The following GGPS1 variants were observed in gnomAD, a reference collection of about 807,000 sequenced individuals.
GGPS1 encodes geranylgeranyl pyrophosphate synthase.
GGPS1 carries 15 observed loss-of-function variants against 28.1 expected under a neutral mutation model. The observed-to-expected ratio is 0.53, with a 90% CI of 0.36 to 0.82. GGPS1 has a LOEUF of 0.82. GGPS1 is among the 40% of genes least tolerant of loss of function. The probability of loss-of-function intolerance (pLI) is 0.01; values close to 1 mark genes in which losing one functional copy is unlikely to be tolerated. For synonymous variants in GGPS1, 138 were observed against 122.4 expected (o/e 1.13, Z -0.84); for missense variants, 284 against 348.3 (o/e 0.82, Z 1.47).
intron 1 of GGPS1, chr1:235,329,069 G>A (rs1675586484): frequency 6.6e-6 from 1 of 152,376 alleles, no homozygotes; most frequent in East Asian, 1.9e-4. Flanking sequence ...CAGCCGCTGT[G>A]GAAAATCGGC....
intron 3 of GGPS1, 88 bp downstream of exon 3, chr1:235,341,866 TC>T: frequency 4.3e-6 from 4 of 921,408 alleles, no homozygotes; most frequent in Non-Finnish European, 6.9e-6. Flanking sequence ...AATTTAGTCC[TC>T]ATGCAAGATA....
chr1:235,341,293 C>A (rs1029585298), intron 2 of GGPS1, among the ~76,000 whole-genome samples: 2 of 152,138 alleles, frequency 1.3e-5, no homozygotes, highest in African/African-American at 4.8e-5. Context: ...CGCCACTGCA[C>A]TCCAGCCTGG....
At chr1:235,341,881 T>G (rs1273938700) in intron 3 of GGPS1, 103 bp downstream of exon 3, 2 of 885,916 alleles carry the variant, frequency 2.3e-6, no homozygotes, top group Non-Finnish European at 3.6e-6. Context: ...CAAGATATTA[T>G]TTTATATTGA....
chr1:235,337,252 T>A (rs1187162001), intron 2 of GGPS1, among the ~76,000 whole-genome samples: 3 of 137,946 alleles, frequency 2.2e-5, no homozygotes, highest in Non-Finnish European at 5.0e-5. Context: ...TCTCTTACTC[T>A]GCTACTTACA....
Position 235,333,106 on chromosome 1 carries a change from C to T in GGPS1, c.-23-2136C>T, listed in dbSNP as rs1474503146. The stretch of plus-strand genomic sequence containing the variant: ...AAAAAAAAAAAGGAACACATCCTCA[C>T]TGTTACAATAAATAACAGTAGCCCA... On this transcript the variant is annotated intron_variant, in intron 1 of 3. Transcript: ENST00000282841. 2.0e-5 allele frequency among the ~76,000 whole-genome samples: 3 copies of T among 147,332 alleles called. No individual in the cohort carries two copies. In the East Asian group the frequency reaches 6.1e-4, roughly 30 times the overall value.
At chr1:235,337,328 G>A (rs1380690177) in intron 2 of GGPS1, among the ~76,000 whole-genome samples, 1 of 151,994 alleles carries the variant, frequency 6.6e-6, no homozygotes, top group Non-Finnish European at 1.5e-5. Flanking sequence ...CACCTTCTGT[G>A]ACTTCCTTTT....
intron 2 of GGPS1, among the ~76,000 whole-genome samples, chr1:235,339,858 C>T (rs1412894530): frequency 2.0e-5 from 3 of 152,074 alleles, no homozygotes; most frequent in Non-Finnish European, 4.4e-5. Flanking sequence ...ACCATGCATT[C>T]ATTTAGCAGA....
chr1:235,332,959 T>G (rs1289403682), intron 1 of GGPS1, among the ~76,000 whole-genome samples: 1 of 148,838 alleles, frequency 6.7e-6, no homozygotes, highest in Non-Finnish European at 1.5e-5. Flanking sequence ...TCCCAGCTAC[T>G]CAGAAGGCTG....
At chr1:235,329,359 G>T (rs1336626383) in intron 1 of GGPS1, 3 of 152,252 alleles carry the variant, frequency 2.0e-5, no homozygotes, top group African/African-American at 7.2e-5. Flanking sequence ...CTCTGCCTTC[G>T]TAGACCTGCG....
intron 1 of GGPS1, among the ~76,000 whole-genome samples, chr1:235,331,730 C>T (rs1216102631): frequency 1.3e-5 from 2 of 151,484 alleles, no homozygotes; most frequent in Admixed American, 6.6e-5. Flanking sequence ...CATCAAAGCA[C>T]TTGCACAGTT....
At chr1:235,335,665 G>A (rs1258345937) in intron 2 of GGPS1, among the ~76,000 whole-genome samples, 2 of 152,040 alleles carry the variant, frequency 1.3e-5, no homozygotes, top group East Asian at 1.9e-4. Flanking sequence ...GTGAGACCCC[G>A]TCTCTTAAAA....
intron 1 of GGPS1, among the ~76,000 whole-genome samples, chr1:235,333,143 T>C (rs375780820): frequency 6.6e-6 from 1 of 151,210 alleles, no homozygotes; most frequent in African/African-American, 2.4e-5. Flanking sequence ...ACCCCCTTAG[T>C]TGTGATGTGG....
At chr1:235,341,901 A>G (rs1558327724) in intron 3 of GGPS1, 110 bp from the exon 4 acceptor site, 3 of 880,400 alleles carry the variant, frequency 3.4e-6, no homozygotes, top group Non-Finnish European at 5.3e-6. Flanking sequence ...AGGTTGCTAA[A>G]TATTTATTAG....
chr1:235,339,489 A>T (rs1229223915), intron 2 of GGPS1, among the ~76,000 whole-genome samples: 1 of 151,694 alleles, frequency 6.6e-6, no homozygotes, highest in Non-Finnish European at 1.5e-5. Context: ...CAAACAAACA[A>T]ACAAAAAAAC....
At chr1:235,333,067 C>CAA (rs5781828) in intron 1 of GGPS1, among the ~76,000 whole-genome samples, 1,427 of 43,036 alleles carry the variant, frequency 0.033, 149 homozygotes, top group African/African-American at 0.15. Flanking sequence ...GACTCCGTCT[C>CAA]AAAAAAAAAA....
chr1:235,338,028 G>A lies in GGPS1; in HGVS notation c.70+2694G>A, dbSNP rs139591566. On this transcript the variant is annotated intron_variant, in intron 2 of 3. Coordinates refer to ENST00000282841, the MANE Select transcript of GGPS1 (RefSeq NM_004837.4). ...GACAATAATGTTTAGATCTTAAAGAGGAAGCAGTAATCTTTTAATTTTGAG... is the reference window on the plus strand; with the variant it reads ...GACAATAATGTTTAGATCTTAAAGAAGAAGCAGTAATCTTTTAATTTTGAG... 6.6e-4 allele frequency among the ~76,000 whole-genome samples: 100 copies of A among 152,112 alleles called. 1 individual carries two copies. The highest frequency in any genetic ancestry group is 2.3e-3 in the African/African-American group (97 of 41,510).
In GGPS1 at chr1:235,344,451, A is replaced by AC. The variant is rs1383464495; in HGVS notation, c.*1682dup. 1 of 166,996 alleles carries AC rather than the reference A, an allele frequency of 6.0e-6. No homozygotes were observed. Among genetic ancestry groups the AC allele is most frequent in the Non-Finnish European group, 1.5e-5 (1 of 68,104 alleles). The allele number at this position is 166,996 out of a possible 1,614,324, so 10.3% of individuals were successfully genotyped here. On this transcript the variant is annotated 3_prime_UTR_variant, in exon 4 of 4. Transcript: ENST00000282841. The stretch of plus-strand genomic sequence containing the variant: ...TAGTATGGAAAGTTGAACTTTATGA[A>AC]CCCATACTTTTAAAAAGCATTTTTA...
chr1:235,339,126 C>T (rs1223616339), intron 2 of GGPS1, among the ~76,000 whole-genome samples: 4 of 151,730 alleles, frequency 2.6e-5, no homozygotes, highest in South Asian at 2.1e-4. Context: ...ATGATGAAAC[C>T]GTCTCTACTA....
At chr1:235,338,311 G>T (rs957571676) in intron 2 of GGPS1, among the ~76,000 whole-genome samples, 4 of 151,874 alleles carry the variant, frequency 2.6e-5, no homozygotes, top group Non-Finnish European at 5.9e-5. Flanking sequence ...GAGCCTGGGA[G>T]GTTGAGGCTG....
Sources: gnomAD v4.1 joint callset for allele counts (sites outside exome capture counted in the v4.1 genomes callset) on GRCh38, gnomAD v4.1.1 for gene constraint, MANE v1.5 for transcripts, NCBI Gene and HGNC (gene_info 2026-07-23, HGNC 2026-07-21) for gene names.